CFAP52: variants seen among roughly 807,000 people sequenced by gnomAD.
CFAP52 encodes cilia and flagella associated protein 52, also known as cilia- and flagella-associated protein 52.
CFAP52 carries 57 observed loss-of-function variants against 70.5 expected under a neutral mutation model. The ratio of observed to expected loss-of-function variants is 0.81; its 90% CI spans 0.65 to 1.01. The LOEUF is 1.01. CFAP52 is among the 50% of genes least tolerant of loss of function. The pLI is 0.00. For missense variants in CFAP52, 785 were observed against 788.5 expected (o/e 1.00, Z 0.05); for synonymous variants, 267 against 292.5 (o/e 0.91, Z 0.89).
At chr17:9,622,171 A>G (rs577055515) in intron 8 of CFAP52, among the ~76,000 whole-genome samples, 21 of 152,234 alleles carry the variant, frequency 1.4e-4, no homozygotes, top group South Asian at 1.2e-3. Context: ...TGCTATTATC[A>G]GTCTCTCTCT....
chr17:9,631,028 A>AAGAGAGAGAG (rs761523039), intron 9 of CFAP52, among the ~76,000 whole-genome samples: 10 of 44,730 alleles, frequency 2.2e-4, no homozygotes, highest in African/African-American at 9.7e-4. Flanking sequence ...GAAAGAAAGA[A>AAGAGAGAGAG]AGAGAGAGAG....
At chr17:9,583,744 CA>C in intron 1 of CFAP52, among the ~76,000 whole-genome samples, 1 of 152,184 alleles carries the variant, frequency 6.6e-6, no homozygotes, top group Non-Finnish European at 1.5e-5. Flanking sequence ...GAAGAGCAAT[CA>C]AAAAAATTCT....
intron 8 of CFAP52, among the ~76,000 whole-genome samples, chr17:9,616,237 C>T (rs1481774998): frequency 6.7e-6 from 1 of 149,316 alleles, no homozygotes; most frequent in Non-Finnish European, 1.5e-5. Context: ...AAAGGGGTGA[C>T]GGACGCACCT....
intron 1 of CFAP52, chr17:9,584,226 C>A: frequency 7.9e-7 from 1 of 1,263,126 alleles, no homozygotes. Context: ...ACTACCAACT[C>A]AAGCAAAACA....
chr17:9,616,107 A>C (rs1442284255), intron 8 of CFAP52, among the ~76,000 whole-genome samples: 1 of 150,818 alleles, frequency 6.6e-6, no homozygotes, highest in Non-Finnish European at 1.5e-5. Flanking sequence ...CTCACTAGGG[A>C]GTGCCAGACA....
At chr17:9,634,577 G>A (rs1302578409) in intron 10 of CFAP52, among the ~76,000 whole-genome samples, 3 of 150,962 alleles carry the variant, frequency 2.0e-5, no homozygotes, top group Non-Finnish European at 3.0e-5. Context: ...GTGACAGAGC[G>A]ACATTTTGTC....
Position 9,636,179 on chromosome 17 carries a change from A to AAAAGAAAGAAAGAAAAG in CFAP52, c.1472+638_1472+639insAGAAAGAAAGAAAGAAA, listed in dbSNP as rs1910773276. Among the ~76,000 whole-genome samples the AAAAGAAAGAAAGAAAAG allele has an allele frequency of 4.6e-4, 46 of 99,172 alleles. 1 individual carries two copies. The highest frequency in any genetic ancestry group is 1.4e-3 in the African/African-American group (29 of 20,568). 65.1% of individuals were successfully genotyped at this position (99,172 alleles called of 152,430 possible). On this transcript the variant is annotated intron_variant, in intron 11 of 13. Transcript: ENST00000352665. ...ACAAGAGTGAAACTCTGTCTCAAAA[A>AAAAGAAAGAAAGAAAAG]AAAGAAAGAAAGAAAGAAAGAAAGA...
In CFAP52 at chr17:9,610,531, A is replaced by ATTTT. The variant is rs58955810; in HGVS notation, c.855-1769_855-1766dup. On this transcript the variant is annotated intron_variant, in intron 7 of 13. Coordinates refer to ENST00000352665, the MANE Select transcript of CFAP52 (RefSeq NM_145054.5). ...CAGTGCCAAGATCTTTCCTTTCCCC[A>ATTTT]TTTTTTTTTTTTGTTTGTTTTGAGA... is the stretch of plus-strand genomic sequence containing the variant. Among the ~76,000 whole-genome samples, 350 of 145,398 alleles carry ATTTT rather than the reference A, an allele frequency of 2.4e-3. 3 individuals carry two copies. Among genetic ancestry groups the ATTTT allele is most frequent in the African/African-American group, 8.2e-3 (329 of 40,076 alleles).
At chr17:9,635,708 G>A (rs960345451) in intron 11 of CFAP52, 152 bp downstream of exon 11, 40 of 1,036,594 alleles carry the variant, frequency 3.9e-5, no homozygotes, top group Non-Finnish European at 5.3e-5. Flanking sequence ...CGTTCATGAC[G>A]GTCCATGGTT....
At chr17:9,640,952 C>T (rs1225271464) in intron 12 of CFAP52, among the ~76,000 whole-genome samples, 3 of 152,132 alleles carry the variant, frequency 2.0e-5, no homozygotes, top group African/African-American at 2.4e-5. Flanking sequence ...CTGGCCGTAT[C>T]GCATTTTCTT....
intron 6 of CFAP52, among the ~76,000 whole-genome samples, chr17:9,607,705 T>C (rs573483993): frequency 7.2e-5 from 11 of 152,366 alleles, no homozygotes; most frequent in African/African-American, 2.2e-4. Flanking sequence ...TTATACCTTC[T>C]CTTGGCTGCA....
chr17:9,594,611 A>G (rs1396287559), intron 4 of CFAP52: 1 of 217,880 alleles, frequency 4.6e-6, no homozygotes, highest in Admixed American at 5.6e-5. Context: ...CACAGAAACA[A>G]TTTGCACAAT....
chr17:9,625,270 C>A (rs996662727), intron 8 of CFAP52, among the ~76,000 whole-genome samples: 2 of 151,962 alleles, frequency 1.3e-5, no homozygotes, highest in South Asian at 4.2e-4. Context: ...GTATTCCCCC[C>A]ATACATATAT....
chr17:9,583,044 ACT>A (rs1844591009), intron 1 of CFAP52, among the ~76,000 whole-genome samples: 1 of 152,170 alleles, frequency 6.6e-6, no homozygotes, highest in Non-Finnish European at 1.5e-5. Flanking sequence ...TTTTGTACAC[ACT>A]GTCTTGTTTT....
chr17:9,602,120 TA>T (rs1173392363), intron 6 of CFAP52, among the ~76,000 whole-genome samples: 2 of 152,216 alleles, frequency 1.3e-5, no homozygotes, highest in East Asian at 3.8e-4. Context: ...CTTTTTAGGA[TA>T]GGAATTCTTT....
At chr17:9,622,671 G>T (rs920573314) in intron 8 of CFAP52, among the ~76,000 whole-genome samples, 7 of 152,024 alleles carry the variant, frequency 4.6e-5, no homozygotes, top group African/African-American at 1.7e-4. Flanking sequence ...AATACAGTTT[G>T]GTGCAGTATA....
chr17:9,638,856 G>T, intron 12 of CFAP52, 145 bp downstream of exon 12: 1 of 706,466 alleles, frequency 1.4e-6, no homozygotes, highest in South Asian at 1.8e-5. Context: ...CTTTGGAAAG[G>T]CCATATCACC....
At chr17:9,593,978 TAAC>T (rs940282321) in intron 3 of CFAP52, among the ~76,000 whole-genome samples, 4 of 152,016 alleles carry the variant, frequency 2.6e-5, no homozygotes, top group South Asian at 2.1e-4. Context: ...AAAGAAACAA[TAAC>T]AACAACAACA....
downstream of CFAP52, chr17:9,645,510 T>C: frequency 1.0e-6 from 1 of 955,104 alleles, no homozygotes; most frequent in Non-Finnish European, 1.3e-6. This position sits in a 1 kb window ranked among gnomAD's most constrained non-coding sequence, Gnocchi z 6.8. Flanking sequence ...CTCCGCCCCG[T>C]CCCCGCACAC....
Sources: allele counts gnomAD v4.1 joint callset (sites outside exome capture counted in the v4.1 genomes callset), GRCh38; gene constraint gnomAD v4.1.1; non-coding constraint Gnocchi (gnomAD v3.1); transcripts MANE v1.5; gene names NCBI Gene and HGNC (gene_info 2026-07-23, HGNC 2026-07-21).